Variants in STX1A observed in about 807,000 individuals in gnomAD.
The protein encoded by STX1A is syntaxin-1A.
In STX1A, 4 loss-of-function variants were observed where a neutral mutation model predicts 37.8. The observed-to-expected ratio is 0.11, with a 90% confidence interval of 0.05 to 0.24. The LOEUF is 0.24. Ranked by LOEUF, STX1A falls within the 10% of genes least tolerant of loss-of-function variation. STX1A has a pLI of 1.00. For missense variants in STX1A, 251 were observed against 399.9 expected, an observed-to-expected ratio of 0.63 and a Z score of 3.18; for synonymous variants, 135 against 147.4, an observed-to-expected ratio of 0.92 and a Z score of 0.61.
At position 73,709,120 on chromosome 7, in the gene STX1A, G is replaced by C; in HGVS notation, c.33C>G (p.Ala11=). 6.2e-7 allele frequency: 1 copy of C among 1,612,874 alleles called. No individual in the cohort carries two copies. The highest frequency in any genetic ancestry group is 8.5e-7 in the Non-Finnish European group (1 of 1,179,982). MKDRTQELRT[A]KDSDDDDDVA... is the part of the protein sequence containing the mutation. ...CATCATCATCATCATCGCTGTCCTT[G>C]GCCTGTGCGGGGTTGTGCACACATA... Residue 11 remains alanine (A), a splice_region_variant and synonymous_variant, in exon 2 of 10, where the codon GCC becomes GCG. Coordinates refer to ENST00000222812, the MANE Select transcript of STX1A (RefSeq NM_004603.4). The surrounding 1 kb of genome is among the most constrained non-coding windows in gnomAD (Gnocchi z 4.2).
chr7:73,708,491 G>T (rs1798967753), intron 3 of STX1A, 98 bp downstream of exon 3: 2 of 1,190,878 alleles, frequency 1.7e-6, no homozygotes, highest in Non-Finnish European at 2.4e-6. Context: ...AAGCCCACCA[G>T]CCATGAAGGC....
chr7:73,715,139 A>T (rs1799244838), intron 1 of STX1A, among the ~76,000 whole-genome samples: 1 of 150,744 alleles, frequency 6.6e-6, no homozygotes. Context: ...AAAAAAAAAA[A>T]TTGGCTGGGT....
At chr7:73,710,596 T>G (rs1323243396) in intron 1 of STX1A, among the ~76,000 whole-genome samples, 2 of 152,156 alleles carry the variant, frequency 1.3e-5, no homozygotes, top group African/African-American at 4.8e-5. Flanking sequence ...CAGCTAATTT[T>G]TGTATTTTTA....
At chr7:73,710,809 G>A (rs924052392) in intron 1 of STX1A, among the ~76,000 whole-genome samples, 2 of 152,236 alleles carry the variant, frequency 1.3e-5, no homozygotes, top group Non-Finnish European at 2.9e-5. Context: ...TCTCGCGTCA[G>A]GACGGAGGCA....
At position 73,700,532 on chromosome 7, in the gene STX1A, G is replaced by A; in HGVS notation, c.790-48C>T. On this transcript the variant is annotated intron_variant, in intron 9 of 9. Coordinates refer to ENST00000222812, the MANE Select transcript of STX1A (RefSeq NM_004603.4). The surrounding 1 kb of genome is among the most constrained non-coding windows in gnomAD (Gnocchi z 4.4). ...AGGCCTCAGACAGTGTTGGCGGCAG[G>A]TGGGGTGGGACTATGGCAAAGGCTG... is the stretch of plus-strand genomic sequence containing the variant. 2 of 1,603,550 alleles carry A rather than the reference G, an allele frequency of 1.2e-6. No individual in the cohort carries two copies. The highest frequency in any genetic ancestry group is 1.7e-6 in the Non-Finnish European group (2 of 1,173,728).
Position 73,706,989 on chromosome 7 carries a change from C to G in STX1A, c.208+1600G>C, listed in dbSNP as rs1462764641. Among the ~76,000 whole-genome samples, 2 of 152,150 alleles carry G rather than the reference C, an allele frequency of 1.3e-5. No homozygotes were observed. Among genetic ancestry groups the G allele is most frequent in the South Asian group, 2.1e-4 (1 of 4,830 alleles). ...CTGGCTTAGTTGGTGTGGCACTGAC[C>G]TGGGTTCATGCACACTTTGGGGCTG... On this transcript the variant is annotated intron_variant, in intron 3 of 9. Transcript: ENST00000222812. The surrounding 1 kb of genome is among the most constrained non-coding windows in gnomAD (Gnocchi z 4.6).
intron 1 of STX1A, among the ~76,000 whole-genome samples, chr7:73,715,427 CA>C (rs58545910): frequency 1.5e-4 from 22 of 147,062 alleles, no homozygotes; most frequent in Non-Finnish European, 2.4e-4. Context: ...TCTAAAAAAA[CA>C]AAAAAAAAAC....
At chr7:73,718,891 G>A (rs1297696314) in intron 1 of STX1A, among the ~76,000 whole-genome samples, 2 of 151,960 alleles carry the variant, frequency 1.3e-5, no homozygotes, top group Non-Finnish European at 2.9e-5. Flanking sequence ...AACCCTGAAG[G>A]GTCTGGAAAC....
chr7:73,703,977 C>T, intron 6 of STX1A, 149 bp from the exon 7 acceptor site: 1 of 653,778 alleles, frequency 1.5e-6, no homozygotes, highest in Non-Finnish European at 2.3e-6. Context: ...GCCCTTAACA[C>T]AGCAGCCGCC....
chr7:73,702,163 T>C lies in STX1A; in HGVS notation c.678+682A>G, dbSNP rs1247919524. On this transcript the variant is annotated intron_variant, in intron 8 of 9. Transcript: ENST00000222812. The surrounding 1 kb of genome is among the most constrained non-coding windows in gnomAD (Gnocchi z 4.7). ...AGCTCTTCATCTCCGCTGCGAAGTC[T>C]TCACAGCTGGCTCCTTTTCCCCCTT... Among the ~76,000 whole-genome samples, 1 of 152,182 alleles carries C rather than the reference T, an allele frequency of 6.6e-6. No individual in the cohort carries two copies. The highest frequency in any genetic ancestry group is 1.5e-5 in the Non-Finnish European group (1 of 68,028).
chr7:73,703,042 C>T (rs1422173210), intron 7 of STX1A, 60 bp from the exon 8 acceptor site: 8 of 577,568 alleles, frequency 1.4e-5, no homozygotes, highest in African/African-American at 9.1e-5. Context: ...GGCAGAGGGC[C>T]GAGGGGGAGG....
In STX1A at chr7:73,702,008, C is replaced by T. The variant is rs1316182808; in HGVS notation, c.678+837G>A. 3.9e-5 allele frequency among the ~76,000 whole-genome samples: 6 copies of T among 152,152 alleles called. No homozygotes were observed. Among genetic ancestry groups the T allele is most frequent in the South Asian group, 4.1e-4 (2 of 4,830 alleles). On this transcript the variant is annotated intron_variant, in intron 8 of 9. Transcript: ENST00000222812. The surrounding 1 kb of genome is among the most constrained non-coding windows in gnomAD (Gnocchi z 4.7). ...CCCAGCACACTGCCTGCCAAGGCCC[C>T]GTCCACCTCGTCTCCAGCTTCATCT...
intron 1 of STX1A, among the ~76,000 whole-genome samples, chr7:73,718,218 T>C (rs1388849597): frequency 3.3e-5 from 5 of 152,154 alleles, no homozygotes; most frequent in Admixed American, 2.0e-4. Flanking sequence ...TCTTCTTCCT[T>C]TGAAACCTCA....
rs1799038752 is a variant in STX1A, at chr7:73,709,933, T to A, written c.31-811A>T. Reference sequence around the variant, plus strand: ...TTTTGTAGAGACGGGGGTCTCACTGTGTTACCCAGGCTGGTCTTGAACTCC... The same window carrying A: ...TTTTGTAGAGACGGGGGTCTCACTGAGTTACCCAGGCTGGTCTTGAACTCC... On this transcript the variant is annotated intron_variant, in intron 1 of 9. Coordinates refer to ENST00000222812, the MANE Select transcript of STX1A (RefSeq NM_004603.4). This position sits in a 1 kb window ranked among gnomAD's most constrained non-coding sequence, Gnocchi z 4.2. Among the ~76,000 whole-genome samples the A allele has an allele frequency of 6.6e-6, 1 of 152,070 alleles. No homozygotes were observed. The highest frequency in any genetic ancestry group is 6.5e-5 in the Admixed American group (1 of 15,274).
intron 7 of STX1A, chr7:73,703,247 C>G: frequency 1.7e-6 from 1 of 573,632 alleles, no homozygotes; most frequent in Non-Finnish European, 3.2e-6. Context: ...TGCTCAGTGA[C>G]AGTCCTTATC....
rs1390975778 is a variant in STX1A at position 73,719,582 on chromosome 7, C to T, written c.30+20G>A. ...GCTGGCGGCGGGCGGCGGGCGGCCG[C>T]GCGCTGGGGCCGGACTCACCGTGCG... On this transcript the variant is annotated intron_variant, in intron 1 of 9. Transcript: ENST00000222812. The T allele has an allele frequency of 2.5e-6, 3 of 1,208,090 alleles. No individual in the cohort carries two copies. The highest frequency in any genetic ancestry group is 1.0e-6 in the Non-Finnish European group (1 of 968,254). 74.8% of individuals were successfully genotyped at this position (1,208,090 alleles called of 1,614,324 possible). A position where few individuals can be genotyped will look rare whatever the true frequency, so the allele number is the denominator to read the frequency against.
intron 3 of STX1A, among the ~76,000 whole-genome samples, chr7:73,707,061 G>T (rs78791161): frequency 6.6e-6 from 1 of 152,178 alleles, no homozygotes; most frequent in Non-Finnish European, 1.5e-5. Flanking sequence ...GGGCTTGGGG[G>T]TGAGGGGTCA....
At chr7:73,704,953 T>A in intron 4 of STX1A, 197 bp downstream of exon 4, 1 of 639,638 alleles carries the variant, frequency 1.6e-6, no homozygotes, top group South Asian at 1.8e-5. Context: ...TAGGTGGGTG[T>A]GTCCCTGGGC....
chr7:73,717,509 T>A lies in STX1A; in HGVS notation c.30+2093A>T, dbSNP rs1554618896. ...CCACTTCACAGATGGGAACCCTAGG[T>A]CCAGAGGGAAAGCAGCCTGTGGGAA... is the stretch of plus-strand genomic sequence containing the variant. On this transcript the variant is annotated intron_variant, in intron 1 of 9. Transcript: ENST00000222812. The surrounding 1 kb of genome is among the most constrained non-coding windows in gnomAD (Gnocchi z 4.1). 6.6e-6 allele frequency among the ~76,000 whole-genome samples: 1 copy of A among 152,006 alleles called. No individual in the cohort carries two copies. The highest frequency in any genetic ancestry group is 2.4e-5 in the African/African-American group (1 of 41,392).
Sources: allele counts gnomAD v4.1 joint callset (sites outside exome capture counted in the v4.1 genomes callset), GRCh38; gene constraint gnomAD v4.1.1; non-coding constraint Gnocchi (gnomAD v3.1); transcripts MANE v1.5; gene names NCBI Gene and HGNC (gene_info 2026-07-23, HGNC 2026-07-21).